Variants in UBE4A observed in about 807,000 individuals in gnomAD.
The protein encoded by UBE4A is ubiquitin conjugation factor E4 A.
In UBE4A, 48 loss-of-function variants were observed where a neutral mutation model predicts 117.9. That is an observed-to-expected ratio of 0.41 (90% CI 0.32 to 0.52). UBE4A has a LOEUF of 0.52. UBE4A is among the 20% of genes least tolerant of loss of function. UBE4A has a pLI of 0.33. For missense variants in UBE4A, 1,067 were observed against 1,296.3 expected (o/e 0.82, Z 2.72); for synonymous variants, 407 against 450.0 (o/e 0.90, Z 1.21).
intron 16 of UBE4A, among the ~76,000 whole-genome samples, chr11:118,387,030 G>C (rs1405704128): frequency 3.9e-5 from 6 of 152,192 alleles, no homozygotes; most frequent in Admixed American, 2.0e-4. Flanking sequence ...CTTGCAACGT[G>C]TGGCTTTCAA....
intron 19 of UBE4A, 117 bp from the exon 20 acceptor site, chr11:118,396,197 A>C: frequency 5.3e-6 from 7 of 1,331,312 alleles, no homozygotes; most frequent in African/African-American, 1.5e-5. Context: ...ATTTGACTCA[A>C]AGTTATAATG....
At position 118,396,625 on chromosome 11, in the gene UBE4A, C is replaced by A; in HGVS notation, c.*185C>A. 1.6e-6 allele frequency: 1 copy of A among 607,798 alleles called. No individual in the cohort carries two copies. Among genetic ancestry groups the A allele is most frequent in the Non-Finnish European group, 2.5e-6 (1 of 403,496 alleles). 37.7% of individuals were successfully genotyped at this position (607,798 alleles called of 1,614,324 possible). ...ATAGTTAAGATTCCTAAGAACTTGA[C>A]AATGCTCCCCTGGCTTGCAGGAAAT... On this transcript the variant is annotated 3_prime_UTR_variant, in exon 20 of 20. Coordinates refer to ENST00000252108, the MANE Select transcript of UBE4A (RefSeq NM_001204077.2).
In UBE4A at chr11:118,382,674, G is replaced by A. The variant is rs1948716079; in HGVS notation, c.2095G>A (p.Val699Ile). 12 of 1,605,290 alleles carry A rather than the reference G, an allele frequency of 7.5e-6. No individual in the cohort carries two copies. The East Asian group carries it at 2.7e-4, about 36-fold the overall frequency. Residue 699 changes from valine to isoleucine, a missense_variant, in exon 13 of 20, where the codon GTA becomes ATA. Val to Ile is a conservative substitution (Grantham distance 29, BLOSUM62 3). Transcript: ENST00000252108. ...CCTGGATCAGACCCCAAATCCCTTG[G>A]TATCCAGTGTGTTCCACCGGAAACG... ...PHLDQTPNPLVSSVFHRKRVF... is the reference protein window; with the variant it reads ...PHLDQTPNPLISSVFHRKRVF...
rs201002188 is a variant in UBE4A, at chr11:118,368,764, T to A, written c.255T>A (p.Asn85Lys). The part of the protein sequence containing the change: ...QQEICEQLNI[N>K]HMIQRIFLIT... Reference sequence around the variant, plus strand: ...AAATATGTGAGCAACTCAACATCAATCACATGATCCAAAGGATCTTCCTTA... The same window carrying A: ...AAATATGTGAGCAACTCAACATCAAACACATGATCCAAAGGATCTTCCTTA... Residue 85 changes from asparagine (N) to lysine (K), a missense_variant, in exon 3 of 20, where the codon AAT becomes AAA. Around this residue, in one of 3 missense-constraint regions of UBE4A, gnomAD observed 1,001 missense variants for 1,184.0 expected, o/e 0.85. Coordinates refer to ENST00000252108, the MANE Select transcript of UBE4A (RefSeq NM_001204077.2). 1 of 1,614,058 alleles carries A rather than the reference T, an allele frequency of 6.2e-7. No homozygotes were observed. Among genetic ancestry groups the A allele is most frequent in the African/African-American group, 1.3e-5 (1 of 74,920 alleles).
At position 118,371,649 on chromosome 11, in the gene UBE4A, C is replaced by A. The variant is rs1371024299; in HGVS notation, c.544C>A (p.Gln182Lys). The change falls in exon 5 of 20, where the codon CAG becomes AAG. Residue 182 changes from glutamine to lysine, a missense_variant. Around this residue, in one of 3 missense-constraint regions of UBE4A, gnomAD observed 1,001 missense variants for 1,184.0 expected, o/e 0.85. Coordinates refer to ENST00000252108, the MANE Select transcript of UBE4A (RefSeq NM_001204077.2). ...HIFCYLYSCF[Q>K]RAKEEITKVP... ...TTTTTGTTACCTTTACTCCTGCTTCCAGAGAGCCAAGGAAGAGGTAAAGGA... is the reference window on the plus strand; with the variant it reads ...TTTTTGTTACCTTTACTCCTGCTTCAAGAGAGCCAAGGAAGAGGTAAAGGA... 1.2e-6 allele frequency: 2 copies of A among 1,612,750 alleles called. No homozygotes were observed.
Position 118,386,601 on chromosome 11 carries a change from T to C in UBE4A, c.2576T>C (p.Phe859Ser). The C allele has an allele frequency of 1.3e-6, 2 of 1,572,422 alleles. No homozygotes were observed. The highest frequency in any genetic ancestry group is 1.7e-6 in the Non-Finnish European group (2 of 1,164,090). Reference protein sequence around the residue: ...MSNETIGTLAFLTSEIKSLFV... With the variant: ...MSNETIGTLASLTSEIKSLFV... ...AATGAAACAATCGGTACCCTTGCCTTTCTCACATCAGGTAAGGACATGAAG... is the reference window on the plus strand; with the variant it reads ...AATGAAACAATCGGTACCCTTGCCTCTCTCACATCAGGTAAGGACATGAAG... Residue 859 changes from phenylalanine (F) to serine (S), a missense_variant, in exon 16 of 20, where the codon TTT (phenylalanine) becomes TCT (serine). Phe to Ser is a radical substitution (Grantham distance 155). This residue lies in a region of UBE4A where 1,001 missense variants were observed against 1,184.0 expected (regional missense o/e 0.85). Transcript: ENST00000252108.
At chr11:118,372,998 A>G in intron 6 of UBE4A, 88 bp from the exon 7 acceptor site, 1 of 1,292,450 alleles carries the variant, frequency 7.7e-7, no homozygotes, top group Non-Finnish European at 1.1e-6. Flanking sequence ...AAAAAAAAAA[A>G]AAAGAATTAT....
intron 10 of UBE4A, among the ~76,000 whole-genome samples, 161 bp downstream of exon 10, chr11:118,376,855 C>T (rs970622001): frequency 6.6e-6 from 1 of 151,910 alleles, no homozygotes; most frequent in Admixed American, 6.6e-5. Context: ...TTTAAGACCA[C>T]CAACCTGGGC....
At chr11:118,381,065 C>T (rs1948701302) in intron 11 of UBE4A, among the ~76,000 whole-genome samples, 2 of 152,176 alleles carry the variant, frequency 1.3e-5, no homozygotes, top group Admixed American at 6.5e-5. Flanking sequence ...AGTCACCTAA[C>T]ATATTAATCT....
At chr11:118,364,992 C>A in intron 1 of UBE4A, 48 bp from the exon 2 acceptor site, 2 of 1,414,910 alleles carry the variant, frequency 1.4e-6, no homozygotes, top group South Asian at 1.5e-5. Context: ...TATATTACAG[C>A]TATTGTGTCA....
rs376080314 is a variant in UBE4A at position 118,382,834 on chromosome 11, TA to T, written c.2197+59del. On this transcript the variant is annotated intron_variant, in intron 13 of 19. Coordinates refer to ENST00000252108, the MANE Select transcript of UBE4A (RefSeq NM_001204077.2). ...GGAAGCTGATACCAGTGGAGTTTCA[TA>T]GTTTGATCCGTATTTGGATATCAAA... is the stretch of plus-strand genomic sequence containing the variant. The T allele has an allele frequency of 3.2e-4, 461 of 1,421,044 alleles. No homozygotes were observed. The African/African-American group carries it at 5.2e-3, about 16-fold the overall frequency. 88.0% of individuals were successfully genotyped at this position (1,421,044 alleles called of 1,614,324 possible). A position where few individuals can be genotyped will look rare whatever the true frequency, so the allele number is the denominator to read the frequency against.
intron 4 of UBE4A, 114 bp downstream of exon 4, chr11:118,369,649 T>A: frequency 7.0e-6 from 2 of 286,568 alleles, no homozygotes; most frequent in Non-Finnish European, 6.2e-6. Flanking sequence ...CCTCTCTCTT[T>A]TTTTTTTTTT....
chr11:118,387,420 T>C (rs922496915), intron 16 of UBE4A, among the ~76,000 whole-genome samples: 5 of 152,032 alleles, frequency 3.3e-5, no homozygotes, highest in African/African-American at 1.2e-4. Flanking sequence ...TTAGAAGATA[T>C]AAATTCAAGG....
At chr11:118,393,682 GC>G (rs1948841598) in intron 19 of UBE4A, among the ~76,000 whole-genome samples, 1 of 151,716 alleles carries the variant, frequency 6.6e-6, no homozygotes, top group Admixed American at 6.6e-5. Context: ...TGCAAGCTCC[GC>G]CTCCCAGGAT....
intron 11 of UBE4A, among the ~76,000 whole-genome samples, chr11:118,380,269 A>T (rs1948693174): frequency 6.6e-6 from 1 of 151,872 alleles, no homozygotes; most frequent in Non-Finnish European, 1.5e-5. Flanking sequence ...TGAGTAACAG[A>T]TTACCCCAAA....
intron 19 of UBE4A, 26 bp downstream of exon 19, chr11:118,392,921 A>C (rs1555128860): frequency 6.2e-7 from 1 of 1,609,276 alleles, no homozygotes; most frequent in Non-Finnish European, 8.5e-7. Context: ...AAACAGACTC[A>C]AGAGCATATA....
chr11:118,395,222 G>A (rs572956469), intron 19 of UBE4A, among the ~76,000 whole-genome samples: 33 of 151,506 alleles, frequency 2.2e-4, no homozygotes, highest in South Asian at 2.1e-4. Flanking sequence ...CCAGCTACTC[G>A]GGAGGCTGAG....
intron 16 of UBE4A, among the ~76,000 whole-genome samples, chr11:118,388,929 A>G (rs1186876814): frequency 6.6e-6 from 1 of 152,074 alleles, no homozygotes; most frequent in Non-Finnish European, 1.5e-5. Context: ...TGATCGTGCC[A>G]CTGCACTGCA....
intron 10 of UBE4A, chr11:118,378,356 T>C (rs1263026191): frequency 6.6e-6 from 1 of 152,022 alleles, no homozygotes. Context: ...ATGAGATCAA[T>C]AGGACCACAA....
Sources: allele counts gnomAD v4.1 joint callset (sites outside exome capture counted in the v4.1 genomes callset), GRCh38; gene constraint gnomAD v4.1.1; regional missense constraint gnomAD v4.1.1; transcripts MANE v1.5; gene names NCBI Gene and HGNC (gene_info 2026-07-23, HGNC 2026-07-21).